Variants in VAV2 observed in about 807,000 individuals in gnomAD.
The protein encoded by VAV2 is guanine nucleotide exchange factor VAV2.
VAV2 carries 67 observed loss-of-function variants against 132.5 expected under a neutral mutation model. The observed-to-expected ratio is 0.51, with a 90% CI of 0.42 to 0.62. VAV2 has a LOEUF of 0.62. Among genes scored for constraint, VAV2 ranks in the 20% least tolerant of loss-of-function variants. VAV2 has a pLI of 0.00. For missense variants in VAV2, 938 were observed against 1,153.6 expected, an observed-to-expected ratio of 0.81 and a Z score of 2.71; for synonymous variants, 492 against 443.5, an observed-to-expected ratio of 1.11 and a Z score of -1.37.
intron 2 of VAV2, among the ~76,000 whole-genome samples, chr9:133,880,381 C>T (rs931560700): frequency 6.6e-6 from 1 of 152,138 alleles, no homozygotes; most frequent in African/African-American, 2.4e-5. Flanking sequence ...ATGATAAAGG[C>T]GGGCAGGGAA....
chr9:133,780,657 G>T, intron 20 of VAV2, 37 bp downstream of exon 20: 2 of 1,293,552 alleles, frequency 1.5e-6, no homozygotes, highest in South Asian at 2.8e-5. Context: ...TGTGGCGGGG[G>T]TGGGGCAGAG....
chr9:133,769,497 C>G lies in VAV2; in HGVS notation c.2354G>C (p.Cys785Ser). ...SRASSRSPAS[C>S]ASYNFSFLSP... ...GAGAAAAGAAAAGTTGTAGGAAGCA[C>G]AGGAAGCTGCAAAGAGGCGAGAGAG... The change falls in exon 28 of 30, where the codon TGT becomes TCT. Residue 785 changes from cysteine (C) to serine (S), a missense_variant. Transcript: ENST00000371850. This position sits in a 1 kb window ranked among gnomAD's most constrained non-coding sequence, Gnocchi z 8.1. 6.2e-7 allele frequency: 1 copy of G among 1,611,658 alleles called. No individual in the cohort carries two copies. The highest frequency in any genetic ancestry group is 8.5e-7 in the Non-Finnish European group (1 of 1,178,960).
intron 1 of VAV2, 182 bp from the exon 2 acceptor site, chr9:133,939,401 G>A (rs556967112): frequency 1.7e-5 from 11 of 635,808 alleles, no homozygotes; most frequent in Admixed American, 2.6e-5. Flanking sequence ...TCCCAAGGCT[G>A]GGGGGTGAGA....
chr9:133,858,150 C>A (rs1177600967), intron 3 of VAV2, among the ~76,000 whole-genome samples: 5 of 152,218 alleles, frequency 3.3e-5, no homozygotes, highest in Non-Finnish European at 7.3e-5. Flanking sequence ...GCCAGATAGG[C>A]CCTCCGGATA....
At chr9:133,988,328 GT>G (rs1486853291) in intron 1 of VAV2, among the ~76,000 whole-genome samples, 1 of 152,164 alleles carries the variant, frequency 6.6e-6, no homozygotes, top group Non-Finnish European at 1.5e-5. Flanking sequence ...CCACAAGAGA[GT>G]AAGCCAGCTT....
intron 2 of VAV2, among the ~76,000 whole-genome samples, chr9:133,888,963 T>A (rs915247894): frequency 1.3e-5 from 2 of 152,238 alleles, no homozygotes; most frequent in Non-Finnish European, 2.9e-5. Context: ...ACGAACAGCA[T>A]GGAAATGAAG....
intron 16 of VAV2, among the ~76,000 whole-genome samples, chr9:133,786,464 G>A (rs1203748334): frequency 3.9e-5 from 6 of 152,220 alleles, no homozygotes; most frequent in East Asian, 1.9e-4. Flanking sequence ...ATGCTCCACC[G>A]AGTGCATATG....
intron 2 of VAV2, among the ~76,000 whole-genome samples, chr9:133,907,675 C>T (rs748740403): frequency 1.2e-4 from 18 of 152,244 alleles, no homozygotes; most frequent in Non-Finnish European, 2.4e-4. Context: ...CCGCCATCCT[C>T]GTAAATCAAT....
intron 2 of VAV2, among the ~76,000 whole-genome samples, chr9:133,877,991 AAGGGCCTGGG>A (rs1444240609): frequency 5.9e-5 from 9 of 152,130 alleles, no homozygotes; most frequent in Non-Finnish European, 1.3e-4. Flanking sequence ...GAGTGCCTGG[AAGGGCCTGGG>A]AAAGCACTTG....
intron 3 of VAV2, among the ~76,000 whole-genome samples, chr9:133,851,037 A>C (rs984691389): frequency 6.6e-6 from 1 of 152,224 alleles, no homozygotes; most frequent in Admixed American, 6.5e-5. Flanking sequence ...GCAGACACAC[A>C]ACTGCTGAGG....
intron 1 of VAV2, among the ~76,000 whole-genome samples, chr9:133,956,686 G>C (rs1841792268): frequency 6.6e-6 from 1 of 152,196 alleles, no homozygotes; most frequent in Admixed American, 6.5e-5. Flanking sequence ...CTCGGCTGGT[G>C]GGCAGAGCAC....
intron 1 of VAV2, among the ~76,000 whole-genome samples, chr9:133,981,486 C>T (rs1588218193): frequency 1.3e-5 from 2 of 152,308 alleles, no homozygotes; most frequent in South Asian, 4.1e-4. Context: ...GGGCAGGCGG[C>T]GGGTGAGGGC....
chr9:133,983,637 A>G (rs901106508), intron 1 of VAV2, among the ~76,000 whole-genome samples: 2 of 151,452 alleles, frequency 1.3e-5, no homozygotes, highest in African/African-American at 4.9e-5. Context: ...AACGCTCGGC[A>G]GAGAACTCTC....
chr9:133,902,614 A>T (rs1272427631), intron 2 of VAV2, among the ~76,000 whole-genome samples: 1 of 152,128 alleles, frequency 6.6e-6, no homozygotes, highest in East Asian at 1.9e-4. Flanking sequence ...AAAATGAGGG[A>T]GTGTTTCGGG....
Position 133,943,219 on chromosome 9 carries a change from C to T in VAV2, c.205-4000G>A, listed in dbSNP as rs112256286. On this transcript the variant is annotated intron_variant, in intron 1 of 29. Transcript: ENST00000371850. The stretch of plus-strand genomic sequence containing the variant: ...CTGGTTTGCAAGGTCTGTGGTCGCT[C>T]TGGAGCCAATCAGAGCCTCAAGGTC... Among the ~76,000 whole-genome samples the T allele has an allele frequency of 9.7e-3, 1,473 of 152,306 alleles. 22 individuals carry two copies. Among genetic ancestry groups the T allele is most frequent in the African/African-American group, 0.034 (1,403 of 41,554 alleles).
chr9:133,911,935 T>G (rs190775611), intron 2 of VAV2, among the ~76,000 whole-genome samples: 6 of 152,330 alleles, frequency 3.9e-5, no homozygotes, highest in African/African-American at 1.2e-4. Flanking sequence ...TTTTTTTTTA[T>G]TTCCAACTTT....
Position 133,823,377 on chromosome 9 carries a change from T to G in VAV2, c.449+10895A>C, listed in dbSNP as rs1835867543. 6.6e-6 allele frequency among the ~76,000 whole-genome samples: 1 copy of G among 152,216 alleles called. No homozygotes were observed. Among genetic ancestry groups the G allele is most frequent in the Admixed American group, 6.5e-5 (1 of 15,284 alleles). ...CCTCTTAGAGAAGGTGACCTGTGGG[T>G]TGGGTTTTGTAGAATGAATAGGAGT... On this transcript the variant is annotated intron_variant, in intron 4 of 29. Transcript: ENST00000371850. This position sits in a 1 kb window ranked among gnomAD's most constrained non-coding sequence, Gnocchi z 5.5.
intron 1 of VAV2, among the ~76,000 whole-genome samples, chr9:133,976,561 C>A (rs1357850072): frequency 6.6e-6 from 1 of 152,248 alleles, no homozygotes; most frequent in Non-Finnish European, 1.5e-5. Context: ...GTAAAGTACA[C>A]ACAATGCCAC....
intron 23 of VAV2, 104 bp downstream of exon 23, chr9:133,777,285 G>A: frequency 8.5e-7 from 1 of 1,175,154 alleles, no homozygotes; most frequent in South Asian, 1.4e-5. Flanking sequence ...AATTTAGCAA[G>A]GATGTCCTGA....
Sources: gnomAD v4.1 joint callset for allele counts (sites outside exome capture counted in the v4.1 genomes callset) on GRCh38, gnomAD v4.1.1 for gene constraint, Gnocchi (gnomAD v3.1) non-coding constraint, MANE v1.5 for transcripts, NCBI Gene and HGNC (gene_info 2026-07-23, HGNC 2026-07-21) for gene names.